The following CDC42BPA variants were observed in gnomAD, a reference collection of about 807,000 sequenced individuals.
The protein encoded by CDC42BPA is CDC42 binding protein kinase alpha, also known as serine/threonine-protein kinase MRCK alpha.
Under a neutral mutation model 223.5 loss-of-function variants are expected in CDC42BPA, and 80 were observed. That is an observed-to-expected ratio of 0.36 (90% confidence interval 0.30 to 0.43). CDC42BPA has a LOEUF of 0.43. Among genes scored for constraint, CDC42BPA ranks in the 20% least tolerant of loss-of-function variants. The pLI, the probability that CDC42BPA is intolerant of heterozygous loss-of-function variation, is 1.00. For synonymous variants in CDC42BPA, 694 were observed against 718.6 expected, an observed-to-expected ratio of 0.97 and a Z score of 0.55; for missense variants, 1,743 against 2,099.9, an observed-to-expected ratio of 0.83 and a Z score of 3.32.
intron 16 of CDC42BPA, among the ~76,000 whole-genome samples, chr1:227,091,073 G>A (rs1186626050): frequency 6.6e-6 from 1 of 152,108 alleles, no homozygotes; most frequent in African/African-American, 2.4e-5. Context: ...AGCTTTACTA[G>A]TTCTTCTTTG....
intron 1 of CDC42BPA, among the ~76,000 whole-genome samples, chr1:227,264,594 G>T (rs1179015810): frequency 1.4e-5 from 2 of 143,530 alleles, no homozygotes; most frequent in Middle Eastern, 3.7e-3. Flanking sequence ...CAAGTCACGG[G>T]ATTTTCAAAA....
chr1:227,270,446 AG>A (rs1482364370), intron 1 of CDC42BPA, among the ~76,000 whole-genome samples: 3 of 152,304 alleles, frequency 2.0e-5, no homozygotes, highest in African/African-American at 7.2e-5. Context: ...GACAAACCTG[AG>A]TTCAAGTCTA....
chr1:227,274,561 G>A (rs1686601782), intron 1 of CDC42BPA, among the ~76,000 whole-genome samples: 1 of 152,082 alleles, frequency 6.6e-6, no homozygotes, highest in South Asian at 2.1e-4. Flanking sequence ...TTTTTAAATG[G>A]TAGAAATATA....
chr1:227,194,697 T>A lies in CDC42BPA; in HGVS notation c.451-763A>T, dbSNP rs537880461. On this transcript the variant is annotated intron_variant, in intron 4 of 36. Transcript: ENST00000366766. ...TTCTACATTGCTTTATAAGCATGTATTACATATACATGTGTATTTGTGTGT... is the reference window on the plus strand; with the variant it reads ...TTCTACATTGCTTTATAAGCATGTAATACATATACATGTGTATTTGTGTGT... Among the ~76,000 whole-genome samples, 238 of 152,340 alleles carry A rather than the reference T, an allele frequency of 1.6e-3. 2 individuals carry two copies. The highest frequency in any genetic ancestry group is 2.9e-3 in the Non-Finnish European group (199 of 68,012).
intron 24 of CDC42BPA, among the ~76,000 whole-genome samples, chr1:227,035,920 G>A (rs1041560364): frequency 1.3e-5 from 2 of 152,136 alleles, no homozygotes; most frequent in African/African-American, 4.8e-5. Flanking sequence ...CTAAAAGAGT[G>A]GTTTCTAGAG....
At chr1:227,029,450 G>C (rs995326603) in intron 29 of CDC42BPA, among the ~76,000 whole-genome samples, 200 bp from the exon 30 acceptor site, 1 of 152,174 alleles carries the variant, frequency 6.6e-6, no homozygotes, top group African/African-American at 2.4e-5. Context: ...TGAGTCCTGA[G>C]ATTTCTGGCA....
chr1:227,191,158 A>T (rs1437568391), intron 5 of CDC42BPA, among the ~76,000 whole-genome samples: 2 of 152,108 alleles, frequency 1.3e-5, no homozygotes, highest in African/African-American at 4.8e-5. Context: ...AACCCGACCA[A>T]CATGGAGAAA....
At chr1:227,277,904 G>A (rs1363731268) in intron 1 of CDC42BPA, among the ~76,000 whole-genome samples, 4 of 151,922 alleles carry the variant, frequency 2.6e-5, no homozygotes, top group Admixed American at 6.6e-5. Context: ...CACCCGCCAC[G>A]ACGCCCGGCT....
intron 30 of CDC42BPA, among the ~76,000 whole-genome samples, chr1:227,028,046 A>G (rs746342294): frequency 1.3e-5 from 2 of 151,764 alleles, no homozygotes; most frequent in Non-Finnish European, 2.9e-5. Context: ...CTTCAGTGTA[A>G]GAGTTGGAGG....
intron 35 of CDC42BPA, among the ~76,000 whole-genome samples, chr1:226,998,428 T>C (rs1394215993): frequency 1.3e-5 from 2 of 152,252 alleles, no homozygotes; most frequent in African/African-American, 4.8e-5. Context: ...AACAACAAGG[T>C]ACTGGTACCA....
chr1:227,194,757 T>C (rs774060684), intron 4 of CDC42BPA, among the ~76,000 whole-genome samples: 3 of 152,210 alleles, frequency 2.0e-5, no homozygotes, highest in Admixed American at 6.5e-5. Flanking sequence ...GGGAGAAAAC[T>C]AGACATAGTG....
chr1:227,089,544 A>G (rs1682652499), intron 16 of CDC42BPA, among the ~76,000 whole-genome samples: 1 of 151,804 alleles, frequency 6.6e-6, no homozygotes, highest in South Asian at 2.1e-4. Flanking sequence ...TGGACATTAA[A>G]TATTTACCTA....
At chr1:227,030,502 T>C (rs369448855) in intron 28 of CDC42BPA, 32 bp from the exon 29 acceptor site, 88 of 1,410,544 alleles carry the variant, frequency 6.2e-5, no homozygotes, top group Non-Finnish European at 7.6e-5. Context: ...AAGATTTTTA[T>C]TAGGAAAAAA....
intron 5 of CDC42BPA, among the ~76,000 whole-genome samples, chr1:227,162,972 A>G (rs114502021): frequency 3.3e-5 from 3 of 91,214 alleles, no homozygotes; most frequent in South Asian, 3.1e-4. Flanking sequence ...AAACGTGTGT[A>G]TGTTTCCAAA....
Position 227,118,388 on chromosome 1 carries a change from A to T in CDC42BPA, c.1647+1416T>A, listed in dbSNP as rs1426315343. Among the ~76,000 whole-genome samples, 4 of 152,126 alleles carry T rather than the reference A, an allele frequency of 2.6e-5. No individual in the cohort carries two copies. The South Asian group carries it at 6.2e-4, about 24-fold the overall frequency. On this transcript the variant is annotated intron_variant, in intron 12 of 36. Transcript: ENST00000366766. ...ATCTATTGGAATGGCTATTTTTTTT[A>T]AAAGACAAAGGATAACAAGTGTTGG...
At chr1:227,084,883 C>T (rs1434444314) in intron 16 of CDC42BPA, among the ~76,000 whole-genome samples, 2 of 152,088 alleles carry the variant, frequency 1.3e-5, no homozygotes, top group Admixed American at 6.6e-5. Context: ...GAAGAACCCC[C>T]TCCCTAATGT....
intron 3 of CDC42BPA, among the ~76,000 whole-genome samples, chr1:227,208,805 G>C (rs1406515354): frequency 6.6e-6 from 1 of 152,138 alleles, no homozygotes; most frequent in Non-Finnish European, 1.5e-5. Flanking sequence ...CTCCAGCTTT[G>C]TTCTTTTGGC....
At chr1:227,165,211 G>A (rs1489201275) in intron 5 of CDC42BPA, among the ~76,000 whole-genome samples, 7 of 152,020 alleles carry the variant, frequency 4.6e-5, no homozygotes, top group Non-Finnish European at 5.9e-5. Context: ...GACAATACAA[G>A]AACTAAAAGG....
At chr1:227,106,141 A>T (rs891508466) in intron 14 of CDC42BPA, among the ~76,000 whole-genome samples, 4 of 152,122 alleles carry the variant, frequency 2.6e-5, no homozygotes, top group Non-Finnish European at 5.9e-5. Context: ...ATCCCAGTAC[A>T]TATGAAGTGG....
Sources: allele counts gnomAD v4.1 joint callset (sites outside exome capture counted in the v4.1 genomes callset), GRCh38; gene constraint gnomAD v4.1.1; transcripts MANE v1.5; gene names NCBI Gene and HGNC (gene_info 2026-07-23, HGNC 2026-07-21).